The following HMCN2 variants were observed in gnomAD, a reference collection of about 807,000 sequenced individuals.
HMCN2 encodes hemicentin 2, also known as hemicentin-2.
Under a neutral mutation model 377.5 loss-of-function variants are expected in HMCN2, and 325 were observed. That is an observed-to-expected ratio of 0.86 (90% CI 0.79 to 0.94). The LOEUF (loss-of-function observed/expected upper bound fraction) is 0.94. Among genes scored for constraint, HMCN2 ranks in the 40% least tolerant of loss-of-function variants. The pLI, the probability that HMCN2 is intolerant of heterozygous loss-of-function variation, is 0.00. For synonymous variants in HMCN2, 2,007 were observed against 2,046.8 expected (o/e 0.98, Z 0.53); for missense variants, 4,543 against 4,725.3 (o/e 0.96, Z 1.13).
rs1214059274 is a variant in HMCN2, at chr9:130,306,224, C to T, written c.1912C>T (p.His638Tyr). Reference sequence around the variant, plus strand: ...CTCAGCCTCTGGATACCCCACACCCCACATCTCCTGGAGCCGTGAGAGCCA... The same window carrying T: ...CTCAGCCTCTGGATACCCCACACCCTACATCTCCTGGAGCCGTGAGAGCCA... ...SCSASGYPTPHISWSRESQAL... is the reference protein window; with the variant it reads ...SCSASGYPTPYISWSRESQAL... The change falls in exon 12 of 98, where the codon CAC (histidine) becomes TAC (tyrosine). Residue 638 changes from histidine to tyrosine, a missense_variant. Around this residue, in one of 5 missense-constraint regions of HMCN2, gnomAD observed 547 missense variants for 189.9 expected, o/e 2.88. Coordinates refer to ENST00000683500, the MANE Select transcript of HMCN2 (RefSeq NM_001291815.2). 2.1e-6 allele frequency: 1 copy of T among 470,990 alleles called. No homozygotes were observed. The highest frequency in any genetic ancestry group is 7.0e-5 in the East Asian group (1 of 14,382). The allele number at this position is 470,990 out of a possible 1,614,324, so 29.2% of individuals were successfully genotyped here.
At chr9:130,392,222 C>T (rs1842355493) in intron 66 of HMCN2, 104 bp downstream of exon 66, 1 of 793,432 alleles carries the variant, frequency 1.3e-6, no homozygotes, top group Non-Finnish European at 1.5e-6. Flanking sequence ...CTGCAACACC[C>T]ACTCCCCACC....
intron 22 of HMCN2, among the ~76,000 whole-genome samples, chr9:130,332,367 C>T (rs1415896099): frequency 1.3e-5 from 2 of 152,240 alleles, no homozygotes; most frequent in Admixed American, 1.3e-4. Context: ...TGGCCGTGGA[C>T]ACCAGGACCA....
At chr9:130,297,987 C>T (rs1374239623) in intron 7 of HMCN2, among the ~76,000 whole-genome samples, 1 of 152,164 alleles carries the variant, frequency 6.6e-6, no homozygotes. Flanking sequence ...TGGAGTCTCA[C>T]TCTGTCACCC....
intron 65 of HMCN2, 110 bp from the exon 66 acceptor site, chr9:130,391,825 T>G: frequency 1.5e-6 from 1 of 667,114 alleles, no homozygotes; most frequent in Non-Finnish European, 1.9e-6. Context: ...GGGACCACTG[T>G]GGTTGCTGGC....
intron 22 of HMCN2, among the ~76,000 whole-genome samples, chr9:130,336,893 G>T (rs1838783005): frequency 6.6e-6 from 1 of 152,076 alleles, no homozygotes; most frequent in Admixed American, 6.5e-5. Flanking sequence ...TTCTATAAGG[G>T]GCTCTGTGAG....
At chr9:130,302,571 A>C (rs1409959653) in intron 8 of HMCN2, among the ~76,000 whole-genome samples, 1 of 152,148 alleles carries the variant, frequency 6.6e-6, no homozygotes, top group Non-Finnish European at 1.5e-5. Context: ...CAAAAGCCCC[A>C]GGAGCTGTGC....
chr9:130,368,630 C>A (rs549687325), intron 44 of HMCN2, among the ~76,000 whole-genome samples, 193 bp downstream of exon 44: 1 of 152,222 alleles, frequency 6.6e-6, no homozygotes, highest in Admixed American at 6.5e-5. Context: ...AATTTATAAA[C>A]GAGAGGCTTA....
chr9:130,299,969 G>GCTCA (rs1309315919), intron 8 of HMCN2, among the ~76,000 whole-genome samples: 1 of 111,762 alleles, frequency 8.9e-6, no homozygotes, highest in African/African-American at 3.5e-5. Context: ...CCACCCACCC[G>GCTCA]CTCACTCACC....
intron 1 of HMCN2, among the ~76,000 whole-genome samples, chr9:130,266,674 T>A (rs1834117535): frequency 6.6e-6 from 1 of 152,206 alleles, no homozygotes. Context: ...GCTGGTCTTG[T>A]CCCCTCGCCT....
intron 1 of HMCN2, among the ~76,000 whole-genome samples, chr9:130,271,992 C>G (rs1834431934): frequency 6.7e-6 from 1 of 149,354 alleles, no homozygotes; most frequent in Admixed American, 6.7e-5. Flanking sequence ...TGTTCCTTAT[C>G]TAGAACCTCC....
At chr9:130,429,299 G>A (rs1163382565) in intron 93 of HMCN2, 2 of 533,974 alleles carry the variant, frequency 3.7e-6, no homozygotes, top group Non-Finnish European at 6.6e-6. Context: ...GCTAGAATAT[G>A]GAGAGCTCAG....
intron 4 of HMCN2, among the ~76,000 whole-genome samples, chr9:130,289,320 CAGTA>C (rs1167830657): frequency 6.6e-6 from 1 of 151,992 alleles, no homozygotes; most frequent in Admixed American, 6.5e-5. Flanking sequence ...CCTTCTAAGA[CAGTA>C]AGGGCGGGCG....
intron 24 of HMCN2, among the ~76,000 whole-genome samples, chr9:130,342,011 TAAAA>T (rs1839077067): frequency 1.7e-5 from 1 of 59,424 alleles, no homozygotes. Flanking sequence ...CCCCATCTCT[TAAAA>T]TAAATAAATA....
intron 51 of HMCN2, 92 bp from the exon 52 acceptor site, chr9:130,376,424 C>G (rs1285634102): frequency 4.1e-6 from 1 of 243,026 alleles, no homozygotes; most frequent in Non-Finnish European, 6.6e-6. Flanking sequence ...TGGGCCGGCC[C>G]CCATTTCTGA....
At chr9:130,389,735 C>A (rs189576797) in intron 62 of HMCN2, among the ~76,000 whole-genome samples, 23 of 152,190 alleles carry the variant, frequency 1.5e-4, no homozygotes, top group African/African-American at 5.5e-4. Context: ...CCACCACGCC[C>A]AGCTAATGTT....
rs1374415090 is a variant in HMCN2 at position 130,309,646 on chromosome 9, G to C, written c.2201-266G>C. The stretch of plus-strand genomic sequence containing the variant: ...TGGAGGAGTGGACACCAGCGGGGGG[G>C]GTCCAAACATGGAGTTCTTGGATGA... On this transcript the variant is annotated intron_variant, in intron 14 of 97. Transcript: ENST00000683500. Among the ~76,000 whole-genome samples, 8 of 152,232 alleles carry C rather than the reference G, an allele frequency of 5.3e-5. No homozygotes were observed. The South Asian group carries it at 1.7e-3, about 32-fold the overall frequency.
Position 130,385,797 on chromosome 9 carries a change from G to A in HMCN2, c.9309+35G>A, listed in dbSNP as rs1453393505. ...CCTGGGGGCACGGGCAGCCATGAGC[G>A]CTGCAGGAAAGTCGCCTCCCAGCCC... On this transcript the variant is annotated intron_variant, in intron 60 of 97. Transcript: ENST00000683500. 8 of 1,279,768 alleles carry A rather than the reference G, an allele frequency of 6.3e-6. No homozygotes were observed. The Admixed American group carries it at 9.3e-5, about 15-fold the overall frequency. The allele number at this position is 1,279,768 out of a possible 1,614,324, so 79.3% of individuals were successfully genotyped here.
intron 92 of HMCN2, among the ~76,000 whole-genome samples, chr9:130,427,834 T>C (rs1167848792): frequency 1.3e-5 from 2 of 152,286 alleles, no homozygotes; most frequent in East Asian, 1.9e-4. Flanking sequence ...GGCCCAGGTA[T>C]CAGGGGGTGA....
At position 130,394,947 on chromosome 9, in the gene HMCN2, T is replaced by TC; in HGVS notation, c.10693-79dup. On this transcript the variant is annotated intron_variant, in intron 69 of 97. Coordinates refer to ENST00000683500, the MANE Select transcript of HMCN2 (RefSeq NM_001291815.2). The surrounding 1 kb of genome is among the most constrained non-coding windows in gnomAD (Gnocchi z 5.1). The stretch of plus-strand genomic sequence containing the variant: ...GGGCTGAGTTTGAATCCTGGGTCCC[T>TC]CGATGCATGAGAAAGAAACCAGATT... 2 of 948,554 alleles carry TC rather than the reference T, an allele frequency of 2.1e-6. No individual in the cohort carries two copies. The highest frequency in any genetic ancestry group is 2.8e-6 in the Non-Finnish European group (2 of 702,166). The allele number at this position is 948,554 out of a possible 1,614,324, so 58.8% of individuals were successfully genotyped here.
Sources: allele counts gnomAD v4.1 joint callset (sites outside exome capture counted in the v4.1 genomes callset), GRCh38; gene constraint gnomAD v4.1.1; regional missense constraint gnomAD v4.1.1; non-coding constraint Gnocchi (gnomAD v3.1); transcripts MANE v1.5; gene names NCBI Gene and HGNC (gene_info 2026-07-23, HGNC 2026-07-21).